Variants in CDH18 observed in about 807,000 individuals in gnomAD.
The protein encoded by CDH18 is cadherin 18.
CDH18 carries 31 observed loss-of-function variants against 67.9 expected under a neutral mutation model. The observed-to-expected ratio is 0.46, with a 90% CI of 0.34 to 0.62. The LOEUF is 0.62. Ranked by LOEUF, CDH18 falls within the 20% of genes least tolerant of loss-of-function variation. The probability of loss-of-function intolerance (pLI) is 0.01; values close to 1 mark genes in which losing one functional copy is unlikely to be tolerated. For synonymous variants in CDH18, 362 were observed against 347.2 expected, an observed-to-expected ratio of 1.04 and a Z score of -0.48; for missense variants, 890 against 975.5, an observed-to-expected ratio of 0.91 and a Z score of 1.17.
At chr5:19,667,167 T>C (rs1758075661) in intron 5 of CDH18, among the ~76,000 whole-genome samples, 1 of 151,824 alleles carries the variant, frequency 6.6e-6, no homozygotes, top group Non-Finnish European at 1.5e-5. Context: ...AATTATTTTA[T>C]TCACCAAAAC....
At chr5:19,488,449 A>G (rs1416865973) in intron 11 of CDH18, among the ~76,000 whole-genome samples, 1 of 152,164 alleles carries the variant, frequency 6.6e-6, no homozygotes. Context: ...TCAGATGTGG[A>G]TCTCTAATTA....
chr5:20,046,788 C>T (rs1740934605), intron 2 of CDH18, among the ~76,000 whole-genome samples: 2 of 151,504 alleles, frequency 1.3e-5, no homozygotes, highest in Middle Eastern at 6.8e-3. Context: ...TTTCACAGCG[C>T]TTTTCGAGAG....
At chr5:19,786,178 G>A (rs1165983370) in intron 3 of CDH18, among the ~76,000 whole-genome samples, 2 of 152,074 alleles carry the variant, frequency 1.3e-5, no homozygotes, top group South Asian at 2.1e-4. Flanking sequence ...ATGGTAGCAT[G>A]CCATCACTAA....
intron 2 of CDH18, among the ~76,000 whole-genome samples, chr5:19,859,079 A>C (rs955445251): frequency 1.3e-5 from 2 of 152,296 alleles, no homozygotes; most frequent in East Asian, 3.9e-4. Flanking sequence ...ACCATCACCA[A>C]AATCAACGCC....
chr5:19,883,118 GCTCGAGAGCA>G (rs1400499015), intron 2 of CDH18, among the ~76,000 whole-genome samples: 1 of 152,152 alleles, frequency 6.6e-6, no homozygotes, highest in Non-Finnish European at 1.5e-5. Context: ...CCAAATGCTG[GCTCGAGAGCA>G]CTGACCTTGA....
Position 19,769,158 on chromosome 5 carries a change from C to T in CDH18, c.229-21922G>A, listed in dbSNP as rs140162833. On this transcript the variant is annotated intron_variant, in intron 3 of 12. Transcript: ENST00000382275. ...GAAAGAACACTTGAAGATATAAAGC[C>T]GCAAAACTTTCTCTATTTGATAGAA... Among the ~76,000 whole-genome samples, 390 of 151,980 alleles carry T rather than the reference C, an allele frequency of 2.6e-3. 3 individuals are homozygous for T. The highest frequency in any genetic ancestry group is 8.6e-3 in the African/African-American group (358 of 41,502).
intron 2 of CDH18, among the ~76,000 whole-genome samples, chr5:20,040,034 G>T (rs1740270942): frequency 6.6e-6 from 1 of 151,986 alleles, no homozygotes; most frequent in Non-Finnish European, 1.5e-5. Context: ...CAAAAAGTGG[G>T]CAAAGCATAT....
chr5:20,007,684 T>TGTGTGTGTGTGC (rs1320946891), intron 2 of CDH18, among the ~76,000 whole-genome samples: 2 of 133,794 alleles, frequency 1.5e-5, no homozygotes, highest in Non-Finnish European at 3.1e-5. Context: ...TGTGTGTGTG[T>TGTGTGTGTGTGC]GTGTGTGTGT....
intron 2 of CDH18, among the ~76,000 whole-genome samples, chr5:20,139,651 A>G (rs1434059155): frequency 1.3e-5 from 2 of 152,092 alleles, no homozygotes; most frequent in Non-Finnish European, 2.9e-5. Context: ...TCAAAAAGTG[A>G]GGGAAGGATA....
chr5:20,166,850 T>A (rs1319870351), intron 2 of CDH18, among the ~76,000 whole-genome samples: 2 of 152,176 alleles, frequency 1.3e-5, no homozygotes, highest in African/African-American at 4.8e-5. Flanking sequence ...ATGCAATGAA[T>A]GTGCTTTATG....
chr5:19,732,155 A>C (rs550900932), intron 4 of CDH18, among the ~76,000 whole-genome samples: 1 of 151,626 alleles, frequency 6.6e-6, no homozygotes, highest in South Asian at 2.1e-4. Flanking sequence ...CCTTCCCATA[A>C]TTTAAAAAAA....
chr5:20,053,081 G>GA (rs1741577386), intron 2 of CDH18, among the ~76,000 whole-genome samples: 1 of 150,954 alleles, frequency 6.6e-6, no homozygotes, highest in African/African-American at 2.4e-5. Flanking sequence ...AAATCTCTAA[G>GA]AAAAAAGGCT....
At chr5:20,374,070 G>T (rs1425313199) in intron 1 of CDH18, among the ~76,000 whole-genome samples, 1 of 152,112 alleles carries the variant, frequency 6.6e-6, no homozygotes, top group African/African-American at 2.4e-5. Flanking sequence ...GTCATTGAAT[G>T]CTCTCCCTGG....
At chr5:19,618,211 C>T (rs1299780359) in intron 5 of CDH18, among the ~76,000 whole-genome samples, 1 of 145,218 alleles carries the variant, frequency 6.9e-6, no homozygotes, top group Non-Finnish European at 1.5e-5. Context: ...ATTTTTCTTT[C>T]TTTTTTTTTT....
intron 10 of CDH18, among the ~76,000 whole-genome samples, chr5:19,517,446 CTG>C (rs200180889): frequency 0.014 from 2,076 of 152,130 alleles, 24 homozygotes; most frequent in South Asian, 0.031. Context: ...AAGAGCAAAA[CTG>C]TTAAAGTTTG....
intron 11 of CDH18, among the ~76,000 whole-genome samples, chr5:19,491,690 C>A (rs1205368882): frequency 6.6e-6 from 1 of 152,048 alleles, no homozygotes; most frequent in Non-Finnish European, 1.5e-5. Flanking sequence ...CTTTCGCCAA[C>A]CCCAAATAGC....
intron 2 of CDH18, among the ~76,000 whole-genome samples, chr5:20,118,276 G>A (rs2126397385): frequency 6.6e-6 from 1 of 152,178 alleles, no homozygotes; most frequent in South Asian, 2.1e-4. Context: ...TGTTTAAGAG[G>A]TAACTTTTAA....
intron 2 of CDH18, among the ~76,000 whole-genome samples, chr5:20,151,119 C>A (rs1054063996): frequency 4.6e-5 from 7 of 151,864 alleles, no homozygotes; most frequent in African/African-American, 1.4e-4. Flanking sequence ...GCATACCACC[C>A]AATAGATAGT....
Position 19,994,855 on chromosome 5 carries a change from T to TATATATATATATATATATATAGAGAG in CDH18, c.-517-2842_-517-2841insCTCTCTATATATATATATATATATAT, listed in dbSNP as rs760777430. Among the ~76,000 whole-genome samples the TATATATATATATATATATATAGAGAG allele has an allele frequency of 3.0e-5, 2 of 67,588 alleles. 1 individual carries two copies. Among genetic ancestry groups the TATATATATATATATATATATAGAGAG allele is most frequent in the Non-Finnish European group, 5.1e-5 (2 of 39,468 alleles). 44.3% of individuals were successfully genotyped at this position (67,588 alleles called of 152,430 possible). A position where few individuals can be genotyped will look rare whatever the true frequency, so the allele number is the denominator to read the frequency against. The stretch of plus-strand genomic sequence containing the variant: ...ATATATATATATATATATATATATA[T>TATATATATATATATATATATAGAGAG]AGAGAGAGAGAGAGAGAGAGAGATG... On this transcript the variant is annotated intron_variant, in intron 2 of 14. Coordinates refer to the CDH18 transcript ENST00000507958.
Sources: gnomAD v4.1 joint callset for allele counts (sites outside exome capture counted in the v4.1 genomes callset) on GRCh38, gnomAD v4.1.1 for gene constraint, MANE v1.5 for transcripts, NCBI Gene and HGNC (gene_info 2026-07-23, HGNC 2026-07-21) for gene names.